The following RELN variants were observed in gnomAD, a reference collection of about 807,000 sequenced individuals.
RELN encodes reelin.
A neutral mutation model predicts 427.6 loss-of-function variants in RELN; 108 were observed. The ratio of observed to expected loss-of-function variants is 0.25; its 90% CI spans 0.22 to 0.30. RELN has a LOEUF of 0.30. Among genes scored for constraint, RELN ranks in the 10% least tolerant of loss-of-function variants. The pLI is 1.00. For synonymous variants in RELN, 1,524 were observed against 1,513.4 expected (o/e 1.01, Z -0.16); for missense variants, 3,715 against 4,302.8 (o/e 0.86, Z 3.82).
At chr7:103,564,061 T>C (rs1426177063) in intron 34 of RELN, among the ~76,000 whole-genome samples, 1 of 152,208 alleles carries the variant, frequency 6.6e-6, no homozygotes, top group Non-Finnish European at 1.5e-5. Flanking sequence ...ATTTGGATCC[T>C]GGCATCAGCT....
chr7:103,670,539 GTTTTT>G (rs5886264), intron 11 of RELN, among the ~76,000 whole-genome samples: 1 of 151,220 alleles, frequency 6.6e-6, no homozygotes, highest in Non-Finnish European at 1.5e-5. Flanking sequence ...TGTTTTGCGG[GTTTTT>G]TTTTGGTATC....
At chr7:103,527,460 C>T (rs1277533852) in intron 46 of RELN, among the ~76,000 whole-genome samples, 4 of 152,202 alleles carry the variant, frequency 2.6e-5, no homozygotes, top group Non-Finnish European at 5.9e-5. Context: ...TTTGTATTCT[C>T]ATTAAGCAAA....
chr7:103,521,490 T>C (rs1233806764), intron 48 of RELN, among the ~76,000 whole-genome samples: 1 of 152,192 alleles, frequency 6.6e-6, no homozygotes, highest in Non-Finnish European at 1.5e-5. Context: ...GGACAACCTA[T>C]AAAAATAATT....
At position 103,553,574 on chromosome 7, in the gene RELN, G is replaced by C. The variant is rs1830458220; in HGVS notation, c.5970-11C>G. On this transcript the variant is annotated splice_polypyrimidine_tract_variant and intron_variant, in intron 39 of 64. Coordinates refer to ENST00000428762, the MANE Select transcript of RELN (RefSeq NM_005045.4). ...GCTGAATCTTCTTCACTGTTACACA[G>C]GAAAACAACCAGGAATCCATTTAGG... The C allele has an allele frequency of 6.2e-7, 1 of 1,613,516 alleles. No individual in the cohort carries two copies. The highest frequency in any genetic ancestry group is 1.3e-5 in the African/African-American group (1 of 74,892).
chr7:103,634,319 A>AGTGG (rs1832532468), intron 19 of RELN, among the ~76,000 whole-genome samples: 1 of 152,200 alleles, frequency 6.6e-6, no homozygotes, highest in African/African-American at 2.4e-5. Flanking sequence ...TGTAAGCCAC[A>AGTGG]GTATCAACTA....
At chr7:103,931,234 A>G (rs562471219) in intron 1 of RELN, among the ~76,000 whole-genome samples, 2 of 152,276 alleles carry the variant, frequency 1.3e-5, no homozygotes, top group South Asian at 2.1e-4. Context: ...CTACGTGTCC[A>G]ATATGTGAAT....
intron 6 of RELN, among the ~76,000 whole-genome samples, chr7:103,740,170 C>A (rs999234343): frequency 6.6e-6 from 1 of 152,114 alleles, no homozygotes; most frequent in African/African-American, 2.4e-5. Context: ...CCAGAGTTGA[C>A]TGAAATTAAG....
At chr7:103,497,764 G>T (rs970579910) in intron 55 of RELN, 56 bp downstream of exon 55, 6 of 1,393,962 alleles carry the variant, frequency 4.3e-6, no homozygotes, top group Non-Finnish European at 6.1e-6. Context: ...TTCTGAGGGT[G>T]TTGGATGGAA....
Position 103,490,827 on chromosome 7 carries a change from G to A in RELN, c.9446C>T (p.Ser3149Leu), listed in dbSNP as rs773908055. 31 of 1,614,004 alleles carry A rather than the reference G, an allele frequency of 1.9e-5. No homozygotes were observed. Among genetic ancestry groups the A allele is most frequent in the African/African-American group, 1.7e-4 (13 of 74,920 alleles). ...GGTCTGTACGAGCTGCCAGGAATCC[G>A]ATCTGCAGAAACCAAAAGGCTTTGT... ...VMLEYTKDAR[S>L]DSWQLVQTQC... Residue 3149 changes from serine (S) to leucine (L), a missense_variant and splice_region_variant, in exon 59 of 65, where the codon TCG (serine) becomes TTG (leucine). By Grantham distance (145) the Ser-to-Leu change is moderately radical. This residue lies in a region of RELN where 1,310 missense variants were observed against 1,643.0 expected (regional missense o/e 0.80). Coordinates refer to ENST00000428762, the MANE Select transcript of RELN (RefSeq NM_005045.4).
rs1459173833 is a variant in RELN at position 103,761,101 on chromosome 7, C to A, written c.545-7887G>T. On this transcript the variant is annotated intron_variant, in intron 4 of 64. Coordinates refer to ENST00000428762, the MANE Select transcript of RELN (RefSeq NM_005045.4). ...ACCAGCAATATTAGGAATTATTTTT[C>A]TCTTCCCTCTCTGATTTTCCACCTC... Among the ~76,000 whole-genome samples, 5 of 152,292 alleles carry A rather than the reference C, an allele frequency of 3.3e-5. 1 individual carries two copies. The highest frequency in any genetic ancestry group is 1.2e-4 in the African/African-American group (5 of 41,574).
chr7:103,683,919 C>T (rs1833707345), intron 10 of RELN, among the ~76,000 whole-genome samples: 2 of 152,168 alleles, frequency 1.3e-5, no homozygotes, highest in Admixed American at 1.3e-4. Flanking sequence ...CACACAGCTA[C>T]AGATGGCTTG....
intron 42 of RELN, among the ~76,000 whole-genome samples, chr7:103,544,408 G>A (rs1029076399): frequency 6.6e-6 from 1 of 151,522 alleles, no homozygotes; most frequent in Non-Finnish European, 1.5e-5. Flanking sequence ...TGTATTTTTA[G>A]TAGAGATGGG....
intron 11 of RELN, among the ~76,000 whole-genome samples, chr7:103,671,055 T>A (rs1246487290): frequency 6.6e-6 from 1 of 152,060 alleles, no homozygotes; most frequent in East Asian, 1.9e-4. Flanking sequence ...TTATAAGGTC[T>A]ATATTTGGGA....
chr7:103,837,890 C>T (rs1793447810), intron 2 of RELN, among the ~76,000 whole-genome samples: 1 of 152,060 alleles, frequency 6.6e-6, no homozygotes, highest in East Asian at 1.9e-4. Flanking sequence ...TTTCTGAATA[C>T]ATAGAAACGG....
chr7:103,659,459 A>G (rs995775353), intron 12 of RELN, among the ~76,000 whole-genome samples: 4 of 152,112 alleles, frequency 2.6e-5, no homozygotes, highest in African/African-American at 7.2e-5. Flanking sequence ...CCACTTATCT[A>G]TATTGGGAAA....
intron 62 of RELN, 74 bp downstream of exon 62, chr7:103,483,579 T>G (rs548337510): frequency 6.6e-7 from 1 of 1,516,958 alleles, no homozygotes; most frequent in South Asian, 1.1e-5. Context: ...AACTTCTACC[T>G]CAAACTTTGT....
At chr7:103,658,553 C>CCCTAT (rs1425487006) in intron 12 of RELN, among the ~76,000 whole-genome samples, 1 of 152,040 alleles carries the variant, frequency 6.6e-6, no homozygotes, top group East Asian at 1.9e-4. Flanking sequence ...TGCCACCCTA[C>CCCTAT]CCTATCCTAT....
chr7:103,611,909 G>T, intron 20 of RELN, 106 bp from the exon 21 acceptor site: 2 of 911,136 alleles, frequency 2.2e-6, no homozygotes, highest in South Asian at 1.4e-5. Context: ...CATTTTACTT[G>T]TTTAAACCTT....
chr7:103,932,567 A>T (rs772410406), intron 1 of RELN, among the ~76,000 whole-genome samples: 1 of 152,228 alleles, frequency 6.6e-6, no homozygotes, highest in Non-Finnish European at 1.5e-5. Flanking sequence ...GTTGCTAGGC[A>T]ACCATGCTGA....
Sources: allele counts gnomAD v4.1 joint callset (sites outside exome capture counted in the v4.1 genomes callset), GRCh38; gene constraint gnomAD v4.1.1; regional missense constraint gnomAD v4.1.1; transcripts MANE v1.5; gene names NCBI Gene and HGNC (gene_info 2026-07-23, HGNC 2026-07-21).